Variants in SLC8A1 observed in about 807,000 individuals in gnomAD.
The protein encoded by SLC8A1 is solute carrier family 8 member A1.
In SLC8A1, 18 loss-of-function variants were observed where a neutral mutation model predicts 68.3. The ratio of observed to expected loss-of-function variants is 0.26; its 90% CI spans 0.18 to 0.39. The LOEUF is 0.39. Among genes scored for constraint, SLC8A1 ranks in the 10% least tolerant of loss-of-function variants. The pLI, the probability that SLC8A1 is intolerant of heterozygous loss-of-function variation, is 1.00. For synonymous variants in SLC8A1, 475 were observed against 415.5 expected, an observed-to-expected ratio of 1.14 and a Z score of -1.74; for missense variants, 985 against 1,156.7, an observed-to-expected ratio of 0.85 and a Z score of 2.15.
At chr2:40,393,819 G>A (rs1019047217) in intron 2 of SLC8A1, among the ~76,000 whole-genome samples, 1 of 152,088 alleles carries the variant, frequency 6.6e-6, no homozygotes, top group Non-Finnish European at 1.5e-5. Flanking sequence ...ATCACTAATA[G>A]TCATAACCTA....
At position 40,414,073 on chromosome 2, in the gene SLC8A1, GA is replaced by G. The variant is rs543559963; in HGVS notation, c.1808+14399del. On this transcript the variant is annotated intron_variant, in intron 2 of 7. Coordinates refer to ENST00000406785, the Ensembl canonical transcript of SLC8A1. ...TAATGGCATGAACAATTTAGAAACA[GA>G]AAGTCAATACCTTGGTTTCTCTAAT... 3.1e-3 allele frequency among the ~76,000 whole-genome samples: 472 copies of G among 152,174 alleles called. 2 individuals carry two copies. The highest frequency in any genetic ancestry group is 5.4e-3 in the Non-Finnish European group (368 of 67,972).
exon 2 of SLC8A1, chr2:40,429,748 T>C: frequency 6.2e-7 from 1 of 1,613,822 alleles, no homozygotes; most frequent in Non-Finnish European, 8.5e-7. Flanking sequence ...GATGAACATA[T>C]TGAATGCAGC....
intron 2 of SLC8A1, among the ~76,000 whole-genome samples, chr2:40,214,427 T>C (rs1427408043): frequency 2.0e-5 from 3 of 151,158 alleles, no homozygotes; most frequent in African/African-American, 7.3e-5. Flanking sequence ...CATTTCTTTG[T>C]ACACTATCTT....
chr2:40,196,979 G>A (rs1376340455), intron 2 of SLC8A1, among the ~76,000 whole-genome samples: 1 of 151,956 alleles, frequency 6.6e-6, no homozygotes, highest in Non-Finnish European at 1.5e-5. Context: ...TTCTGCAGAG[G>A]GGGTGTTCTT....
intron 2 of SLC8A1, among the ~76,000 whole-genome samples, chr2:40,238,531 T>A (rs1432823873): frequency 3.3e-5 from 5 of 152,114 alleles, no homozygotes; most frequent in Non-Finnish European, 7.4e-5. Context: ...ATGAACCCAG[T>A]ACCTCAGATG....
chr2:40,196,451 C>T (rs1037954084), intron 2 of SLC8A1, among the ~76,000 whole-genome samples: 35 of 151,886 alleles, frequency 2.3e-4, no homozygotes, highest in Non-Finnish European at 3.8e-4. Flanking sequence ...AATATTAGAC[C>T]AGTGGGTCCT....
chr2:40,206,271 A>T (rs545678999), intron 2 of SLC8A1, among the ~76,000 whole-genome samples: 1 of 152,176 alleles, frequency 6.6e-6, no homozygotes, highest in South Asian at 2.1e-4. Context: ...TCTTAAAATC[A>T]GGGTACTTTC....
chr2:40,256,079 C>T (rs201797242), intron 2 of SLC8A1, among the ~76,000 whole-genome samples: 6 of 152,230 alleles, frequency 3.9e-5, no homozygotes, highest in African/African-American at 1.2e-4. Flanking sequence ...GGATGGGTAA[C>T]GACAATGAGA....
intron 2 of SLC8A1, among the ~76,000 whole-genome samples, chr2:40,258,220 C>T (rs2064201726): frequency 6.6e-6 from 1 of 152,160 alleles, no homozygotes; most frequent in African/African-American, 2.4e-5. Flanking sequence ...CTGACATCTC[C>T]AAGGTCGGAT....
chr2:40,408,124 C>A (rs1559556311), intron 2 of SLC8A1, among the ~76,000 whole-genome samples: 1 of 152,298 alleles, frequency 6.6e-6, no homozygotes, highest in Admixed American at 6.5e-5. Context: ...CTTCTACAAT[C>A]TCTAGTTTCT....
intron 1 of SLC8A1, among the ~76,000 whole-genome samples, chr2:40,472,640 T>C (rs576148096): frequency 1.5e-4 from 23 of 152,266 alleles, no homozygotes; most frequent in African/African-American, 5.5e-4. Context: ...AGTATTGGGA[T>C]TATTGGTGGG....
At chr2:40,496,705 TG>T (rs1373815213) in intron 1 of SLC8A1, among the ~76,000 whole-genome samples, 1 of 152,038 alleles carries the variant, frequency 6.6e-6, no homozygotes, top group African/African-American at 2.4e-5. Context: ...ATAAATAGAC[TG>T]CATATTTTGC....
chr2:40,445,078 G>T (rs990544513), intron 1 of SLC8A1, among the ~76,000 whole-genome samples: 1 of 152,160 alleles, frequency 6.6e-6, no homozygotes, highest in Admixed American at 6.5e-5. Flanking sequence ...CCATGTGTCA[G>T]AAACTGTTCC....
intron 1 of SLC8A1, among the ~76,000 whole-genome samples, chr2:40,474,852 T>C (rs1704186281): frequency 6.6e-6 from 1 of 152,208 alleles, no homozygotes; most frequent in East Asian, 1.9e-4. Flanking sequence ...AAGGCTTTAT[T>C]TAACTGTATA....
At chr2:40,278,787 A>T (rs1348055380) in intron 2 of SLC8A1, among the ~76,000 whole-genome samples, 1 of 152,058 alleles carries the variant, frequency 6.6e-6, no homozygotes, top group Non-Finnish European at 1.5e-5. Context: ...CCACAATGAA[A>T]AAAACAGAAA....
intron 2 of SLC8A1, among the ~76,000 whole-genome samples, chr2:40,402,294 T>C (rs965200965): frequency 3.9e-5 from 6 of 152,208 alleles, no homozygotes; most frequent in African/African-American, 1.4e-4. Context: ...TTAACATGTA[T>C]GGTCTAAACA....
At chr2:40,421,000 A>T (rs1016573177) in intron 2 of SLC8A1, among the ~76,000 whole-genome samples, 1 of 152,152 alleles carries the variant, frequency 6.6e-6, no homozygotes, top group African/African-American at 2.4e-5. Flanking sequence ...GCAAAGATTA[A>T]GTCATACGGA....
chr2:40,307,746 C>G (rs1391652494), intron 2 of SLC8A1, among the ~76,000 whole-genome samples: 2 of 152,168 alleles, frequency 1.3e-5, no homozygotes, highest in East Asian at 3.9e-4. Context: ...ACCAAGAGTG[C>G]AAGTGTCCCC....
chr2:40,231,470 A>G (rs375171200), intron 2 of SLC8A1, among the ~76,000 whole-genome samples: 24 of 152,146 alleles, frequency 1.6e-4, no homozygotes, highest in African/African-American at 4.6e-4. Context: ...CTAAATGGCT[A>G]TATCTAGTCC....
Sources: allele counts gnomAD v4.1 joint callset (sites outside exome capture counted in the v4.1 genomes callset), GRCh38; gene constraint gnomAD v4.1.1; transcripts MANE v1.5; gene names NCBI Gene and HGNC (gene_info 2026-07-23, HGNC 2026-07-21).